Variants in ADAMTS7 observed in about 807,000 individuals in gnomAD.
ADAMTS7 encodes ADAM metallopeptidase with thrombospondin type 1 motif 7, also known as A disintegrin and metalloproteinase with thrombospondin motifs 7.
ADAMTS7 carries 89 observed loss-of-function variants against 172.6 expected under a neutral mutation model. The ratio of observed to expected loss-of-function variants is 0.52; its 90% CI spans 0.43 to 0.61. The LOEUF is 0.61. ADAMTS7 is among the 20% of genes least tolerant of loss of function. The pLI, the probability that ADAMTS7 is intolerant of heterozygous loss-of-function variation, is 0.00. For synonymous variants in ADAMTS7, 885 were observed against 978.4 expected (o/e 0.90, Z 1.78); for missense variants, 1,973 against 2,355.6 (o/e 0.84, Z 3.36).
intron 14 of ADAMTS7, among the ~76,000 whole-genome samples, 199 bp from the exon 15 acceptor site, chr15:78,772,028 T>A (rs1306896543): frequency 7.2e-5 from 11 of 152,190 alleles, no homozygotes; most frequent in African/African-American, 2.4e-4. Flanking sequence ...CCCGTGGCCA[T>A]GCCCCATCAC....
intron 14 of ADAMTS7, among the ~76,000 whole-genome samples, chr15:78,772,055 T>C (rs1283956211): frequency 3.9e-5 from 6 of 152,162 alleles, no homozygotes; most frequent in Non-Finnish European, 8.8e-5. Context: ...CTTGGGGACC[T>C]ACACTGGTCT....
chr15:78,789,916 C>A, intron 6 of ADAMTS7, 78 bp from the exon 7 acceptor site: 1 of 1,498,596 alleles, frequency 6.7e-7, no homozygotes, highest in East Asian at 2.5e-5. Flanking sequence ...AGGGAAGGGT[C>A]CCCCCGAATT....
chr15:78,790,090 G>A (rs1160831994), intron 6 of ADAMTS7, among the ~76,000 whole-genome samples: 4 of 152,224 alleles, frequency 2.6e-5, no homozygotes, highest in Non-Finnish European at 4.4e-5. Flanking sequence ...CTATCCAGCA[G>A]GGGTGCTGAC....
intron 3 of ADAMTS7, among the ~76,000 whole-genome samples, chr15:78,797,595 G>A (rs1281757017): frequency 1.3e-5 from 2 of 152,222 alleles, no homozygotes; most frequent in Non-Finnish European, 2.9e-5. Flanking sequence ...GTTGGAGCTG[G>A]GCACAGCTCA....
chr15:78,779,145 ATCC>A (rs2055394909), intron 8 of ADAMTS7, among the ~76,000 whole-genome samples: 1 of 152,170 alleles, frequency 6.6e-6, no homozygotes. Flanking sequence ...GAACCCTGGA[ATCC>A]TCCTGGAATC....
intron 1 of ADAMTS7, among the ~76,000 whole-genome samples, chr15:78,804,110 A>C (rs1293133611): frequency 6.6e-6 from 1 of 152,196 alleles, no homozygotes; most frequent in Non-Finnish European, 1.5e-5. Flanking sequence ...ACACAGTAAC[A>C]GTGAGAGTGG....
chr15:78,774,817 C>T (rs374884419), intron 11 of ADAMTS7, 24 bp from the exon 12 acceptor site: 76 of 1,565,578 alleles, frequency 4.9e-5, no homozygotes, highest in Non-Finnish European at 5.9e-5. Context: ...CGGGGTGGGC[C>T]CCAGTGACGG....
intron 9 of ADAMTS7, 110 bp from the exon 10 acceptor site, chr15:78,776,951 G>A (rs1455042273): frequency 4.9e-6 from 4 of 811,878 alleles, no homozygotes; most frequent in Non-Finnish European, 7.8e-6. Flanking sequence ...CCACATGGCA[G>A]GGGCCCACAG....
At chr15:78,770,975 T>A (rs1230673761) in intron 16 of ADAMTS7, 187 bp downstream of exon 16, 7 of 792,110 alleles carry the variant, frequency 8.8e-6, no homozygotes, top group Non-Finnish European at 1.2e-5. Context: ...GCCTCATCCA[T>A]GTACCCTCCC....
chr15:78,761,765 C>T (rs553552099), intron 23 of ADAMTS7, among the ~76,000 whole-genome samples: 11 of 152,082 alleles, frequency 7.2e-5, no homozygotes, highest in South Asian at 4.1e-4. Flanking sequence ...TGTGTGCGCG[C>T]ACGCACACAT....
At chr15:78,806,059 G>A (rs1258676595) in intron 1 of ADAMTS7, among the ~76,000 whole-genome samples, 1 of 100,100 alleles carries the variant, frequency 1.0e-5, no homozygotes, top group African/African-American at 3.8e-5. Flanking sequence ...CAGCCTGGAT[G>A]ACAGAGCGAG....
At chr15:78,763,017 C>T (rs961970466) in intron 22 of ADAMTS7, among the ~76,000 whole-genome samples, 1 of 152,208 alleles carries the variant, frequency 6.6e-6, no homozygotes, top group Non-Finnish European at 1.5e-5. Flanking sequence ...GCCCGCCAGG[C>T]TTCGTTGTTA....
At chr15:78,793,096 CTG>C (rs1202408679) in intron 4 of ADAMTS7, among the ~76,000 whole-genome samples, 1 of 152,184 alleles carries the variant, frequency 6.6e-6, no homozygotes, top group East Asian at 1.9e-4. Flanking sequence ...AGTCCCTGTG[CTG>C]GGGGCTTAGC....
chr15:78,765,981 C>T lies in ADAMTS7; in HGVS notation c.3930G>A (p.Leu1310=), dbSNP rs2141473891. The T allele has an allele frequency of 1.3e-6, 2 of 1,598,046 alleles. No individual in the cohort carries two copies. Among genetic ancestry groups the T allele is most frequent in the South Asian group, 2.2e-5 (2 of 90,644 alleles). Reference sequence around the variant, plus strand: ...TTGGGAAGGAGGGAGTCCCCGGCTCCAGGGAACTGTCCCTGACCTTCATCT... The same window carrying T: ...TTGGGAAGGAGGGAGTCCCCGGCTCTAGGGAACTGTCCCTGACCTTCATCT... The part of the protein sequence containing the change: ...LPEMKVRDSS[L]EPGTPSFPTP... The change falls in exon 19 of 24, where the codon CTG becomes CTA. Residue 1310 remains leucine, a synonymous_variant. Coordinates refer to ENST00000388820, the MANE Select transcript of ADAMTS7 (RefSeq NM_014272.5).
chr15:78,801,844 A>AT (rs1039727956), intron 1 of ADAMTS7, among the ~76,000 whole-genome samples: 1 of 143,712 alleles, frequency 7.0e-6, no homozygotes, highest in Admixed American at 6.9e-5. Flanking sequence ...CACTTGGCTA[A>AT]TTTTTTTTTA....
Position 78,767,381 on chromosome 15 carries a change from G to C in ADAMTS7, c.2857C>G (p.Gln953Glu). The C allele has an allele frequency of 6.2e-7, 1 of 1,611,786 alleles. No homozygotes were observed. The highest frequency in any genetic ancestry group is 8.5e-7 in the Non-Finnish European group (1 of 1,179,800). Reference sequence around the variant, plus strand: ...GCCCCTTCCCATCCCACACTCACCTGAGACCAGTTCCCCACAGCCCAGGTG... The same window carrying C: ...GCCCCTTCCCATCCCACACTCACCTCAGACCAGTTCCCCACAGCCCAGGTG... ...PATWAVGNWS[Q>E]CSVTCGEGTQ... Residue 953 changes from glutamine to glutamate, a missense_variant and splice_region_variant, in exon 18 of 24, where the codon CAG becomes GAG. Gln to Glu is a conservative substitution (Grantham distance 29). This residue lies in a region of ADAMTS7 where 771 missense variants were observed against 952.6 expected (regional missense o/e 0.81). Transcript: ENST00000388820.
intron 1 of ADAMTS7, among the ~76,000 whole-genome samples, chr15:78,801,968 C>T (rs1460027883): frequency 7.2e-5 from 11 of 152,094 alleles, no homozygotes; most frequent in East Asian, 1.9e-4. Flanking sequence ...TCTGGGATTA[C>T]AGGCGTGAGG....
chr15:78,775,044 G>C (rs1398793920), intron 11 of ADAMTS7, among the ~76,000 whole-genome samples: 1 of 152,200 alleles, frequency 6.6e-6, no homozygotes, highest in Non-Finnish European at 1.5e-5. Context: ...GTGACCGTGG[G>C]CAAGTCTTCG....
chr15:78,809,179 C>T (rs142082490), intron 1 of ADAMTS7, among the ~76,000 whole-genome samples: 2 of 152,278 alleles, frequency 1.3e-5, no homozygotes, highest in East Asian at 3.9e-4. Flanking sequence ...CCTCAGAAAC[C>T]CTAGCAGGTC....
Sources: gnomAD v4.1 joint callset for allele counts (sites outside exome capture counted in the v4.1 genomes callset) on GRCh38, gnomAD v4.1.1 for gene constraint, gnomAD v4.1.1 regional missense constraint, MANE v1.5 for transcripts, NCBI Gene and HGNC (gene_info 2026-07-23, HGNC 2026-07-21) for gene names.